The following SLC41A2 variants were observed in gnomAD, a reference collection of about 807,000 sequenced individuals.
SLC41A2 encodes solute carrier family 41 member 2.
A neutral mutation model predicts 58.3 loss-of-function variants in SLC41A2; 32 were observed. The observed-to-expected ratio is 0.55, with a 90% CI of 0.41 to 0.74. The LOEUF is 0.74. SLC41A2 is among the 30% of genes least tolerant of loss of function. SLC41A2 has a pLI of 0.00. For synonymous variants in SLC41A2, 190 were observed against 235.0 expected (o/e 0.81, Z 1.75); for missense variants, 514 against 680.6 (o/e 0.76, Z 2.72).
intron 6 of SLC41A2, among the ~76,000 whole-genome samples, chr12:104,872,900 G>A (rs893599730): frequency 1.3e-5 from 2 of 152,056 alleles, no homozygotes; most frequent in Admixed American, 6.5e-5. Context: ...CATACTTAAG[G>A]TGTACAACTT....
chr12:104,907,863 A>G (rs2045919451), intron 3 of SLC41A2, among the ~76,000 whole-genome samples: 1 of 152,214 alleles, frequency 6.6e-6, no homozygotes, highest in Admixed American at 6.5e-5. Context: ...CACTAATACC[A>G]GATATTTCAT....
At position 104,880,070 on chromosome 12, in the gene SLC41A2, T is replaced by C. The variant is rs543780613; in HGVS notation, c.1027+6223A>G. 8.5e-5 allele frequency among the ~76,000 whole-genome samples: 13 copies of C among 152,306 alleles called. No homozygotes were observed. The South Asian group carries it at 2.5e-3, about 29-fold the overall frequency. On this transcript the variant is annotated intron_variant, in intron 6 of 10. Transcript: ENST00000258538. ...TTCCTAGGTATTTTATTCTCTTTGATGCAAAGAGATTGAATGGGAGTTCAC... is the reference window on the plus strand; with the variant it reads ...TTCCTAGGTATTTTATTCTCTTTGACGCAAAGAGATTGAATGGGAGTTCAC...
chr12:104,830,469 G>A (rs1243160812), intron 10 of SLC41A2, among the ~76,000 whole-genome samples: 1 of 152,102 alleles, frequency 6.6e-6, no homozygotes, highest in African/African-American at 2.4e-5. Flanking sequence ...TTGGAACTCT[G>A]TGGAATTTTT....
intron 10 of SLC41A2, among the ~76,000 whole-genome samples, chr12:104,812,091 C>CTT (rs2041196545): frequency 6.6e-6 from 1 of 152,202 alleles, no homozygotes; most frequent in Non-Finnish European, 1.5e-5. Context: ...TTCCTCTAGA[C>CTT]TTGTATTTTG....
intron 10 of SLC41A2, among the ~76,000 whole-genome samples, chr12:104,814,527 C>CTT (rs548174874): frequency 6.6e-6 from 1 of 152,012 alleles, no homozygotes; most frequent in Non-Finnish European, 1.5e-5. Context: ...TAGCAAAATA[C>CTT]TTATACATGA....
chr12:104,888,053 A>C (rs894265115), intron 5 of SLC41A2, among the ~76,000 whole-genome samples: 2 of 152,038 alleles, frequency 1.3e-5, no homozygotes, highest in Non-Finnish European at 2.9e-5. Context: ...AAGAAAAAAG[A>C]AGCAAATGAG....
chr12:104,853,911 A>ATTATTATTATTATTATTATT, intron 8 of SLC41A2, among the ~76,000 whole-genome samples: 2 of 59,496 alleles, frequency 3.4e-5, no homozygotes, highest in African/African-American at 6.9e-5. Context: ...TGCCTGGCTG[A>ATTATTATTATTATTATTATT]TTTTTTTTTT....
chr12:104,944,909 G>T (rs1481849864), intron 1 of SLC41A2, among the ~76,000 whole-genome samples: 2 of 151,272 alleles, frequency 1.3e-5, no homozygotes, highest in Non-Finnish European at 2.9e-5. Context: ...AGTGGCTGAT[G>T]CCTATTATCC....
chr12:104,827,323 A>G (rs2041881260), intron 10 of SLC41A2, among the ~76,000 whole-genome samples: 1 of 152,212 alleles, frequency 6.6e-6, no homozygotes, highest in South Asian at 2.1e-4. Flanking sequence ...GGTCTTTTAT[A>G]ATAGAGACAG....
Position 104,881,559 on chromosome 12 carries a change from C to G in SLC41A2, c.1027+4734G>C, listed in dbSNP as rs900958957. Among the ~76,000 whole-genome samples, 7 of 152,118 alleles carry G rather than the reference C, an allele frequency of 4.6e-5. 1 individual carries two copies. Among genetic ancestry groups the G allele is most frequent in the Admixed American group, 1.3e-4 (2 of 15,266 alleles). ...TTCAAAGAACATCTTTATTTCTGCC[C>G]TCATTTCGTTATTTACCCAGTAGTC... On this transcript the variant is annotated intron_variant, in intron 6 of 10. Transcript: ENST00000258538.
chr12:104,938,678 C>A (rs2047380211), intron 1 of SLC41A2, among the ~76,000 whole-genome samples: 1 of 152,182 alleles, frequency 6.6e-6, no homozygotes, highest in Non-Finnish European at 1.5e-5. Context: ...CCACAGCAAT[C>A]AACAGGGTAC....
chr12:104,878,299 T>TA (rs2044157733), intron 6 of SLC41A2, among the ~76,000 whole-genome samples: 1 of 139,920 alleles, frequency 7.1e-6, no homozygotes, highest in Non-Finnish European at 1.5e-5. Flanking sequence ...TACCTGTATT[T>TA]TATATATATA....
At chr12:104,916,518 C>G (rs991859217) in intron 2 of SLC41A2, among the ~76,000 whole-genome samples, 3 of 152,130 alleles carry the variant, frequency 2.0e-5, no homozygotes, top group African/African-American at 7.2e-5. Context: ...ATCGCCAAGT[C>G]AATCCTAAGC....
In SLC41A2 at chr12:104,841,770, G is replaced by C. The variant is rs537681440; in HGVS notation, c.1536+2702C>G. 2.6e-5 allele frequency among the ~76,000 whole-genome samples: 4 copies of C among 152,156 alleles called. No homozygotes were observed. In the East Asian group the frequency reaches 7.7e-4, roughly 29 times the overall value. On this transcript the variant is annotated intron_variant, in intron 10 of 10. Coordinates refer to ENST00000258538, the MANE Select transcript of SLC41A2 (RefSeq NM_001352171.3). ...TAGATTTCCTTCATTTAGTGGGTTG[G>C]GGAATTAGCAGGGAAGCTCCTCAAA...
Position 104,895,206 on chromosome 12 carries a change from C to T in SLC41A2, c.735+68G>A, listed in dbSNP as rs1057324768. On this transcript the variant is annotated intron_variant, in intron 4 of 10. Transcript: ENST00000258538. ...TAGACTCATAGTACTAAAATTTACA[C>T]CAATCTTATAGATTACAGTCAAAAT... The T allele has an allele frequency of 1.3e-5, 15 of 1,147,420 alleles. No individual in the cohort carries two copies. The Admixed American group carries it at 2.5e-4, about 19-fold the overall frequency. The allele number at this position is 1,147,420 out of a possible 1,614,324, so 71.1% of individuals were successfully genotyped here. A position where few individuals can be genotyped will look rare whatever the true frequency, so the allele number is the denominator to read the frequency against.
chr12:104,821,358 T>C (rs1459493352), intron 10 of SLC41A2, among the ~76,000 whole-genome samples: 1 of 152,066 alleles, frequency 6.6e-6, no homozygotes, highest in African/African-American at 2.4e-5. Context: ...CAAAATAAAC[T>C]CTTATAATAC....
intron 1 of SLC41A2, among the ~76,000 whole-genome samples, chr12:104,937,679 G>A (rs1206218396): frequency 6.6e-6 from 1 of 152,158 alleles, no homozygotes; most frequent in Non-Finnish European, 1.5e-5. Flanking sequence ...TTAGATTCTT[G>A]TTATCAAAGT....
chr12:104,902,658 A>T (rs1158748366), intron 3 of SLC41A2, among the ~76,000 whole-genome samples: 1 of 152,156 alleles, frequency 6.6e-6, no homozygotes, highest in Non-Finnish European at 1.5e-5. Flanking sequence ...GCAAAGAAAA[A>T]CAAAAGACAT....
At chr12:104,911,986 A>G (rs1185916343) in intron 2 of SLC41A2, among the ~76,000 whole-genome samples, 1 of 152,228 alleles carries the variant, frequency 6.6e-6, no homozygotes, top group Non-Finnish European at 1.5e-5. Context: ...GATAATAATA[A>G]TAACAAATAT....
Sources: allele counts gnomAD v4.1 joint callset (sites outside exome capture counted in the v4.1 genomes callset), GRCh38; gene constraint gnomAD v4.1.1; transcripts MANE v1.5; gene names NCBI Gene and HGNC (gene_info 2026-07-23, HGNC 2026-07-21).